DPP4: variants seen among roughly 807,000 people sequenced by gnomAD.
DPP4 encodes ADCP-2.
DPP4 carries 93 observed loss-of-function variants against 122.4 expected under a neutral mutation model. That is an observed-to-expected ratio of 0.76 (90% CI 0.64 to 0.90). The LOEUF is 0.90. DPP4 is among the 40% of genes least tolerant of loss of function. DPP4 has a pLI of 0.00. For synonymous variants in DPP4, 321 were observed against 302.9 expected (o/e 1.06, Z -0.62); for missense variants, 914 against 907.3 (o/e 1.01, Z -0.09).
intron 25 of DPP4, among the ~76,000 whole-genome samples, chr2:161,994,090 G>C (rs979777945): frequency 6.6e-6 from 1 of 152,034 alleles, no homozygotes; most frequent in Non-Finnish European, 1.5e-5. Flanking sequence ...AGTCATTACC[G>C]GGCAAACATA....
rs764189674 is a variant in DPP4 at position 162,042,050 on chromosome 2, GAAAGAGTA to G, written c.367-2874_367-2867del. Reference sequence around the variant, plus strand: ...GAGGTTAGTGACAGAGGGTGACTGGGAAAGAGTAAAAGAGCATCATAGCAAAGAGAAGC... The same window carrying G: ...GAGGTTAGTGACAGAGGGTGACTGGGAAAGAGCATCATAGCAAAGAGAAGC... On this transcript the variant is annotated intron_variant, in intron 5 of 25. Coordinates refer to ENST00000360534, the MANE Select transcript of DPP4 (RefSeq NM_001935.4). 1.1e-4 allele frequency among the ~76,000 whole-genome samples: 16 copies of G among 152,294 alleles called. No individual in the cohort carries two copies. In the South Asian group the frequency reaches 1.2e-3, roughly 12 times the overall value.
In DPP4 at chr2:162,064,438, C is replaced by A. The variant is rs1177408042; in HGVS notation, c.94+8961G>T. Among the ~76,000 whole-genome samples, 5 of 152,164 alleles carry A rather than the reference C, an allele frequency of 3.3e-5. No individual in the cohort carries two copies. In the South Asian group the frequency reaches 8.3e-4, roughly 25 times the overall value. On this transcript the variant is annotated intron_variant, in intron 2 of 25. Coordinates refer to ENST00000360534, the MANE Select transcript of DPP4 (RefSeq NM_001935.4). ...TTAGATTAAATTATAGCTTCTGGAC[C>A]TTGTGAGGTTATTTTGTTTGCTTTT... is the stretch of plus-strand genomic sequence containing the variant.
intron 18 of DPP4, among the ~76,000 whole-genome samples, chr2:162,015,557 T>A (rs1282424111): frequency 6.6e-6 from 1 of 152,184 alleles, no homozygotes; most frequent in South Asian, 2.1e-4. Context: ...CCCACTTTTT[T>A]GGAGATGTAT....
Position 162,073,976 on chromosome 2 carries a change from C to G in DPP4, c.6G>C (p.Lys2Asn). The G allele has an allele frequency of 1.2e-6, 2 of 1,611,910 alleles. No homozygotes were observed. The highest frequency in any genetic ancestry group is 1.7e-6 in the Non-Finnish European group (2 of 1,179,062). The change falls in exon 1 of 26, where the codon AAG (lysine) becomes AAC (asparagine). Residue 2 changes from lysine (K) to asparagine (N), a missense_variant and splice_region_variant. Lys to Asn is a moderately conservative substitution (Grantham distance 94, BLOSUM62 0). Coordinates refer to ENST00000360534, the MANE Select transcript of DPP4 (RefSeq NM_001935.4). Reference protein sequence around the residue: MKTPWKVLLGLL... With the variant: MNTPWKVLLGLL... ...GGGACGTACGTGGCGCGGCACTCAC[C>G]TTCATCGTCGGCGTCTCCTCGGAAG... is the stretch of plus-strand genomic sequence containing the variant.
At chr2:162,008,107 T>G (rs1292225160) in intron 22 of DPP4, among the ~76,000 whole-genome samples, 1 of 152,096 alleles carries the variant, frequency 6.6e-6, no homozygotes, top group Non-Finnish European at 1.5e-5. Flanking sequence ...AGCTTTCACC[T>G]ATTAAGAATG....
rs779884157 is a variant in DPP4, at chr2:162,018,807, C to G, written c.1342G>C (p.Glu448Gln). 15 of 1,614,150 alleles carry G rather than the reference C, an allele frequency of 9.3e-6. No individual in the cohort carries two copies. In the Admixed American group the frequency reaches 2.0e-4, roughly 22 times the overall value. The change falls in exon 16 of 26, where the codon GAG becomes CAG. Residue 448 changes from glutamate to glutamine, a missense_variant. Coordinates refer to ENST00000360534, the MANE Select transcript of DPP4 (RefSeq NM_001935.4). Reference protein sequence around the residue: ...DYTKVTCLSCELNPERCQYYS... With the variant: ...DYTKVTCLSCQLNPERCQYYS... ...TACTGACACCTTTCCGGATTCAGCT[C>G]ACAACTGAGGCATGTCACTTTTGTA...
At chr2:162,061,846 G>GA (rs1290755953) in intron 2 of DPP4, among the ~76,000 whole-genome samples, 6 of 152,182 alleles carry the variant, frequency 3.9e-5, no homozygotes, top group Admixed American at 1.3e-4. Flanking sequence ...TTAACTGGGG[G>GA]AGACATAGGA....
intron 4 of DPP4, 179 bp downstream of exon 4, chr2:162,046,736 A>T (rs1559720982): frequency 1.5e-6 from 1 of 666,442 alleles, no homozygotes; most frequent in Non-Finnish European, 2.8e-6. Context: ...AGGAATCGTC[A>T]AAGGAGACTA....
At chr2:162,026,272 C>T (rs967635574) in intron 10 of DPP4, among the ~76,000 whole-genome samples, 2 of 152,110 alleles carry the variant, frequency 1.3e-5, no homozygotes, top group South Asian at 2.1e-4. Context: ...ACTTAATGTG[C>T]GAATGTGCCT....
At chr2:162,012,128 A>G (rs1576038875) in intron 19 of DPP4, 141 bp from the exon 20 acceptor site, 2 of 683,582 alleles carry the variant, frequency 2.9e-6, no homozygotes, top group Non-Finnish European at 4.7e-6. Flanking sequence ...GGTGTCCAGA[A>G]TGAGTCCTCT....
In DPP4 at chr2:162,020,699, A is replaced by G. The variant is rs200733006; in HGVS notation, c.1069-11T>C. 8.9e-5 allele frequency: 142 copies of G among 1,586,600 alleles called. 1 individual carries two copies. Among genetic ancestry groups the G allele is most frequent in the Non-Finnish European group, 1.2e-4 (135 of 1,162,950 alleles). ...TTCTGAAGGCCTAAACTAGAAAATA[A>G]TAGAGAACAAAAGAACATTAAAGCA... On this transcript the variant is annotated splice_polypyrimidine_tract_variant and intron_variant, in intron 12 of 25. Coordinates refer to ENST00000360534, the MANE Select transcript of DPP4 (RefSeq NM_001935.4).
chr2:162,052,653 C>G (rs1278247345), intron 2 of DPP4, among the ~76,000 whole-genome samples: 1 of 152,068 alleles, frequency 6.6e-6, no homozygotes, highest in Non-Finnish European at 1.5e-5. Context: ...TGGCTTGGAA[C>G]TGGGTAATGG....
chr2:162,022,814 A>C lies in DPP4; in HGVS notation c.1024-15T>G. 6.2e-7 allele frequency: 1 copy of C among 1,613,860 alleles called. No homozygotes were observed. Among genetic ancestry groups the C allele is most frequent in the Non-Finnish European group, 8.5e-7 (1 of 1,179,904 alleles). ...TGTTGCCGTGCCTAGGAAGGGAAAG[A>C]GACAATGACAGCATTTCAAAGAGAA... On this transcript the variant is annotated splice_polypyrimidine_tract_variant and intron_variant, in intron 11 of 25. Coordinates refer to ENST00000360534, the MANE Select transcript of DPP4 (RefSeq NM_001935.4).
chr2:162,065,438 T>C (rs1245644871), intron 2 of DPP4, among the ~76,000 whole-genome samples: 1 of 152,208 alleles, frequency 6.6e-6, no homozygotes, highest in Admixed American at 6.5e-5. Context: ...TCTTGATGTG[T>C]TCAGGCCATT....
chr2:162,009,186 G>C, intron 21 of DPP4, 55 bp downstream of exon 21: 1 of 1,551,886 alleles, frequency 6.4e-7, no homozygotes, highest in South Asian at 1.1e-5. Flanking sequence ...AAAGTAACCT[G>C]CTCTGAGTGA....
chr2:162,012,590 C>A (rs553215315), intron 19 of DPP4, among the ~76,000 whole-genome samples: 1 of 152,086 alleles, frequency 6.6e-6, no homozygotes, highest in Non-Finnish European at 1.5e-5. Context: ...ATTGGGCATT[C>A]TATATACTAA....
intron 24 of DPP4, 66 bp downstream of exon 24, chr2:161,995,229 CTTTTG>C (rs1406204868): frequency 1.4e-6 from 2 of 1,448,160 alleles, no homozygotes; most frequent in African/African-American, 2.8e-5. Context: ...GCCCCTCATG[CTTTTG>C]TTTTGTCAGT....
rs1415092663 is a variant in DPP4, at chr2:162,005,740, C to T, written c.2052+5G>A. ...ATAAAATAGGTATAGGTCCTCATCTCTTACTCTGTAATGGTCAAGGTTGTC... is the reference window on the plus strand; with the variant it reads ...ATAAAATAGGTATAGGTCCTCATCTTTTACTCTGTAATGGTCAAGGTTGTC... On this transcript the variant is annotated splice_donor_5th_base_variant and intron_variant, in intron 23 of 25. Coordinates refer to ENST00000360534, the MANE Select transcript of DPP4 (RefSeq NM_001935.4). 3 of 1,612,062 alleles carry T rather than the reference C, an allele frequency of 1.9e-6. No individual in the cohort carries two copies. The highest frequency in any genetic ancestry group is 1.7e-5 in the Admixed American group (1 of 59,934).
At chr2:162,029,958 C>CCCAT (rs1683483632) in intron 10 of DPP4, among the ~76,000 whole-genome samples, 1 of 152,174 alleles carries the variant, frequency 6.6e-6, no homozygotes, top group African/African-American at 2.4e-5. Flanking sequence ...CATCCATCCA[C>CCCAT]CCATCCATCC....
Sources: gnomAD v4.1 joint callset for allele counts (sites outside exome capture counted in the v4.1 genomes callset) on GRCh38, gnomAD v4.1.1 for gene constraint, MANE v1.5 for transcripts, NCBI Gene and HGNC (gene_info 2026-07-23, HGNC 2026-07-21) for gene names.